Variants in F13A1 observed in about 807,000 individuals in gnomAD.
F13A1 encodes the protein coagulation factor XIII A chain.
Under a neutral mutation model 80.1 loss-of-function variants are expected in F13A1, and 47 were observed. The ratio of observed to expected loss-of-function variants is 0.59; its 90% confidence interval spans 0.46 to 0.75. The LOEUF (loss-of-function observed/expected upper bound fraction) is 0.75, where lower values mean the gene tolerates loss of function less well. Ranked by LOEUF, F13A1 falls within the 30% of genes least tolerant of loss-of-function variation. The pLI, the probability that F13A1 is intolerant of heterozygous loss-of-function variation, is 0.00. For missense variants in F13A1, 817 were observed against 930.4 expected, an observed-to-expected ratio of 0.88 and a Z score of 1.59; for synonymous variants, 349 against 344.9, an observed-to-expected ratio of 1.01 and a Z score of -0.13.
chr6:6,215,130 A>C (rs1761699248), intron 8 of F13A1, among the ~76,000 whole-genome samples: 4 of 127,610 alleles, frequency 3.1e-5, no homozygotes, highest in African/African-American at 2.9e-5. Flanking sequence ...ATTCTTTCTG[A>C]AACTATTCCA....
At chr6:6,267,335 C>T (rs1757859057) in intron 3 of F13A1, among the ~76,000 whole-genome samples, 1 of 152,156 alleles carries the variant, frequency 6.6e-6, no homozygotes, top group Non-Finnish European at 1.5e-5. Context: ...CAAATTTAAA[C>T]ATTGTTTTCT....
At chr6:6,258,217 T>C (rs1757728252) in intron 4 of F13A1, among the ~76,000 whole-genome samples, 2 of 152,178 alleles carry the variant, frequency 1.3e-5, no homozygotes. Flanking sequence ...TTCTTAATTT[T>C]CTATAGGACT....
intron 10 of F13A1, 132 bp downstream of exon 10, chr6:6,195,665 C>G: frequency 1.3e-6 from 1 of 780,516 alleles, no homozygotes; most frequent in South Asian, 1.5e-5. Flanking sequence ...GGAATAATGC[C>G]TAGTTACCTT....
At chr6:6,234,151 A>T (rs1757386558) in intron 6 of F13A1, among the ~76,000 whole-genome samples, 1 of 152,154 alleles carries the variant, frequency 6.6e-6, no homozygotes, top group African/African-American at 2.4e-5. Flanking sequence ...GTAAAGAGGA[A>T]GTCAAACTGT....
intron 2 of F13A1, among the ~76,000 whole-genome samples, chr6:6,311,991 TATG>T (rs898181039): frequency 5.4e-5 from 8 of 147,944 alleles, no homozygotes; most frequent in Admixed American, 6.8e-5. Flanking sequence ...TATATTTATA[TATG>T]ATATGTGTAT....
chr6:6,230,408 AC>A (rs1181818046), intron 6 of F13A1, among the ~76,000 whole-genome samples: 1 of 149,940 alleles, frequency 6.7e-6, no homozygotes, highest in African/African-American at 2.5e-5. Flanking sequence ...TAGAAATCTC[AC>A]CCCCATCCCC....
At chr6:6,249,139 C>A (rs1348835674) in intron 5 of F13A1, among the ~76,000 whole-genome samples, 1 of 152,218 alleles carries the variant, frequency 6.6e-6, no homozygotes, top group East Asian at 1.9e-4. Context: ...CTATACTGTA[C>A]CTCACTGTAG....
At position 6,301,646 on chromosome 6, in the gene F13A1, A is replaced by G. The variant is rs572433655; in HGVS notation, c.319+3705T>C. Among the ~76,000 whole-genome samples the G allele has an allele frequency of 3.3e-5, 5 of 152,320 alleles. No homozygotes were observed. In the South Asian group the frequency reaches 1.0e-3, roughly 32 times the overall value. On this transcript the variant is annotated intron_variant, in intron 3 of 14. Coordinates refer to ENST00000264870, the MANE Select transcript of F13A1 (RefSeq NM_000129.4). ...ACAAAAGTAATAGTATTTCTTGTGTAAAAAAGAAAAGAGGACTTAAAATGT... is the reference window on the plus strand; with the variant it reads ...ACAAAAGTAATAGTATTTCTTGTGTGAAAAAGAAAAGAGGACTTAAAATGT...
At chr6:6,221,323 G>A (rs560804482) in intron 8 of F13A1, among the ~76,000 whole-genome samples, 1 of 152,304 alleles carries the variant, frequency 6.6e-6, no homozygotes, top group East Asian at 1.9e-4. Flanking sequence ...TCAGGGCAGT[G>A]AGAGAACCCC....
chr6:6,286,203 T>C (rs1462391462), intron 3 of F13A1, among the ~76,000 whole-genome samples: 1 of 152,210 alleles, frequency 6.6e-6, no homozygotes. Flanking sequence ...CTGGTCAACA[T>C]GGTGAAACCT....
At chr6:6,209,011 T>C (rs946233350) in intron 8 of F13A1, among the ~76,000 whole-genome samples, 2 of 152,154 alleles carry the variant, frequency 1.3e-5, no homozygotes, top group Non-Finnish European at 2.9e-5. Flanking sequence ...AATTAATTTC[T>C]TTAGTGCTTC....
intron 13 of F13A1, among the ~76,000 whole-genome samples, chr6:6,158,223 TAACTG>T (rs1760511348): frequency 6.6e-6 from 1 of 152,076 alleles, no homozygotes; most frequent in Non-Finnish European, 1.5e-5. Flanking sequence ...GTCACGGACA[TAACTG>T]AGGTGACTGG....
chr6:6,303,407 A>G lies in F13A1; in HGVS notation c.319+1944T>C, dbSNP rs149177750. ...GGGAGGCTTTTAAAAATTGACAATC[A>G]TAATTGTATATGTTTATGGGGTTTT... On this transcript the variant is annotated intron_variant, in intron 3 of 14. Coordinates refer to ENST00000264870, the MANE Select transcript of F13A1 (RefSeq NM_000129.4). Among the ~76,000 whole-genome samples, 682 of 152,326 alleles carry G rather than the reference A, an allele frequency of 4.5e-3. 6 individuals are homozygous for G. Among genetic ancestry groups the G allele is most frequent in the African/African-American group, 0.015 (640 of 41,584 alleles).
chr6:6,304,860 CA>C (rs10719492), intron 3 of F13A1, among the ~76,000 whole-genome samples: 33,131 of 103,032 alleles, frequency 0.32, 3,694 homozygotes, highest in East Asian at 0.45. Flanking sequence ...GACTCTGTCT[CA>C]AAAAAAAAAA....
chr6:6,297,541 G>A (rs1758349559), intron 3 of F13A1, among the ~76,000 whole-genome samples: 3 of 150,554 alleles, frequency 2.0e-5, no homozygotes, highest in African/African-American at 7.5e-5. Flanking sequence ...GCATAGAGGT[G>A]TTTGTAGTAT....
At position 6,250,114 on chromosome 6, in the gene F13A1, T is replaced by C. The variant is rs1757610040; in HGVS notation, c.690+697A>G. Among the ~76,000 whole-genome samples the C allele has an allele frequency of 1.3e-5, 2 of 152,112 alleles. No homozygotes were observed. Among genetic ancestry groups the C allele is most frequent in the African/African-American group, 4.8e-5 (2 of 41,414 alleles). ...CAGTTCCAGCCATCCCAGCCAAAACTCCTGAGAAATGACATTCGCCCCCGC... is the reference window on the plus strand; with the variant it reads ...CAGTTCCAGCCATCCCAGCCAAAACCCCTGAGAAATGACATTCGCCCCCGC... On this transcript the variant is annotated intron_variant, in intron 5 of 14. Transcript: ENST00000264870. The surrounding 1 kb of genome is among the most constrained non-coding windows in gnomAD (Gnocchi z 4.2).
intron 6 of F13A1, among the ~76,000 whole-genome samples, chr6:6,227,515 C>G (rs1385248074): frequency 6.6e-6 from 1 of 152,198 alleles, no homozygotes; most frequent in Non-Finnish European, 1.5e-5. Context: ...ATCAGTACTT[C>G]TCCTTGCAGT....
rs564512453 is a variant in F13A1 at position 6,144,174 on chromosome 6, G to A, written c.*1445C>T. The A allele has an allele frequency of 6.6e-6, 1 of 152,144 alleles. No individual in the cohort carries two copies. Among genetic ancestry groups the A allele is most frequent in the South Asian group, 2.1e-4 (1 of 4,828 alleles). 9.4% of individuals were successfully genotyped at this position (152,144 alleles called of 1,614,324 possible). ...AGCCAGTTTAACTGTCTAGCAAAAT[G>A]CATTTCATTTTAAAATTGGATATTG... On this transcript the variant is annotated 3_prime_UTR_variant, in exon 15 of 15. Transcript: ENST00000264870.
chr6:6,255,561 G>A (rs564758129), intron 4 of F13A1, among the ~76,000 whole-genome samples: 4 of 152,234 alleles, frequency 2.6e-5, no homozygotes, highest in Admixed American at 6.5e-5. Flanking sequence ...CTGAAAGAAT[G>A]AGAGATGGGG....
Sources: allele counts gnomAD v4.1 joint callset (sites outside exome capture counted in the v4.1 genomes callset), GRCh38; gene constraint gnomAD v4.1.1; non-coding constraint Gnocchi (gnomAD v3.1); transcripts MANE v1.5; gene names NCBI Gene and HGNC (gene_info 2026-07-23, HGNC 2026-07-21).